The following ABL1 variants were observed in gnomAD, a reference collection of about 807,000 sequenced individuals.
The protein encoded by ABL1 is tyrosine-protein kinase ABL1.
Under a neutral mutation model 94.7 loss-of-function variants are expected in ABL1, and 11 were observed. The ratio of observed to expected loss-of-function variants is 0.12; its 90% CI spans 0.07 to 0.19. The LOEUF (loss-of-function observed/expected upper bound fraction) is 0.19, where lower values mean the gene tolerates loss of function less well. Among genes scored for constraint, ABL1 ranks in the 10% least tolerant of loss-of-function variants. The pLI, the probability that ABL1 is intolerant of heterozygous loss-of-function variation, is 1.00. For synonymous variants in ABL1, 656 were observed against 622.4 expected (o/e 1.05, Z -0.80); for missense variants, 1,082 against 1,489.4 (o/e 0.73, Z 4.50).
intron 1 of ABL1, among the ~76,000 whole-genome samples, chr9:130,719,649 T>A (rs2789760): frequency 0.19 from 29,437 of 152,248 alleles, 3,519 homozygotes; most frequent in Middle Eastern, 0.38. Context: ...CAAACCAATT[T>A]CTTTGGACCC....
chr9:130,784,010 A>G (rs1829793000), intron 1 of ABL1, among the ~76,000 whole-genome samples: 1 of 152,184 alleles, frequency 6.6e-6, no homozygotes, highest in Non-Finnish European at 1.5e-5. Flanking sequence ...TCAAGCAACC[A>G]AGAAAAGACG....
chr9:130,764,171 C>A (rs1276078258), intron 1 of ABL1, among the ~76,000 whole-genome samples: 3 of 152,058 alleles, frequency 2.0e-5, no homozygotes, highest in Non-Finnish European at 2.9e-5. Flanking sequence ...GTCAGAGAGG[C>A]CAGGACACAC....
chr9:130,767,229 C>A (rs1446379027), intron 1 of ABL1, among the ~76,000 whole-genome samples: 2 of 152,182 alleles, frequency 1.3e-5, no homozygotes, highest in African/African-American at 2.4e-5. Flanking sequence ...TCTGAAACTA[C>A]CTCATTCAAT....
intron 1 of ABL1, among the ~76,000 whole-genome samples, chr9:130,818,989 G>A: frequency 6.6e-6 from 1 of 152,122 alleles, no homozygotes. Context: ...GGCCTTTGCA[G>A]TTCTTTCAGT....
At position 130,880,208 on chromosome 9, in the gene ABL1, T is replaced by TG; in HGVS notation, c.1513+54dup. 1 of 1,554,712 alleles carries TG rather than the reference T, an allele frequency of 6.4e-7. No homozygotes were observed. The highest frequency in any genetic ancestry group is 1.1e-5 in the South Asian group (1 of 89,894). On this transcript the variant is annotated intron_variant, in intron 9 of 10. Coordinates refer to ENST00000318560, the MANE Select transcript of ABL1 (RefSeq NM_005157.6). This position sits in a 1 kb window ranked among gnomAD's most constrained non-coding sequence, Gnocchi z 4.4. ...GCAGTGGGGTGAAAGGGCAGCCATGTGGGACTGCAGCCTGGGTCATTCGGT... is the reference window on the plus strand; with the variant it reads ...GCAGTGGGGTGAAAGGGCAGCCATGTGGGGACTGCAGCCTGGGTCATTCGGT...
chr9:130,883,638 G>A (rs1315009737), intron 10 of ABL1, among the ~76,000 whole-genome samples: 3 of 152,098 alleles, frequency 2.0e-5, no homozygotes, highest in Non-Finnish European at 4.4e-5. Context: ...ACTCTCTAGT[G>A]AGTATAAAAA....
intron 1 of ABL1, among the ~76,000 whole-genome samples, chr9:130,715,933 A>T (rs923700765): frequency 1.3e-5 from 2 of 152,124 alleles, no homozygotes; most frequent in Non-Finnish European, 2.9e-5. Context: ...CAGGTGTCTT[A>T]GCATGATTCA....
chr9:130,765,708 C>G (rs1352464905), intron 1 of ABL1, among the ~76,000 whole-genome samples: 3 of 152,168 alleles, frequency 2.0e-5, no homozygotes, highest in Admixed American at 6.5e-5. Context: ...TTAGACCTGA[C>G]AGCCTTTGTG....
At chr9:130,719,446 T>G (rs1831488015) in intron 1 of ABL1, among the ~76,000 whole-genome samples, 1 of 152,034 alleles carries the variant, frequency 6.6e-6, no homozygotes. Flanking sequence ...GGAGAGTTGC[T>G]TAGACCCAGG....
At chr9:130,861,354 A>G (rs1018852111) in intron 3 of ABL1, among the ~76,000 whole-genome samples, 6 of 152,252 alleles carry the variant, frequency 3.9e-5, no homozygotes, top group African/African-American at 1.4e-4. Context: ...CAAGCAAAAC[A>G]AAAGAAAGAG....
chr9:130,796,946 CT>C (rs1459480149), intron 1 of ABL1, among the ~76,000 whole-genome samples: 1 of 126,610 alleles, frequency 7.9e-6, no homozygotes, highest in Non-Finnish European at 1.6e-5. Context: ...AAAAAAGGCA[CT>C]TTTTTTTTGG....
rs557424251 is a variant in ABL1, at chr9:130,864,159, G to A, written c.822+1124G>A. 6.6e-5 allele frequency among the ~76,000 whole-genome samples: 10 copies of A among 152,332 alleles called. No individual in the cohort carries two copies. In the East Asian group the frequency reaches 1.2e-3, roughly 18 times the overall value. On this transcript the variant is annotated intron_variant, in intron 4 of 10. Transcript: ENST00000318560. ...GCTTCCTGATGCTCTTATTCAGCAC[G>A]TGCCTGTCTTTGAGGCAGGACTGGC... is the stretch of plus-strand genomic sequence containing the variant.
At chr9:130,729,148 A>G (rs1341200075) in intron 1 of ABL1, among the ~76,000 whole-genome samples, 1 of 152,082 alleles carries the variant, frequency 6.6e-6, no homozygotes, top group Non-Finnish European at 1.5e-5. Context: ...CTTTAGACTT[A>G]ATGCTTGGCC....
chr9:130,763,616 G>A (rs563893126), intron 1 of ABL1, among the ~76,000 whole-genome samples: 2 of 152,328 alleles, frequency 1.3e-5, no homozygotes, highest in South Asian at 2.1e-4. Context: ...CAGGGCTGGC[G>A]AGCAGTGCTG....
intron 10 of ABL1, among the ~76,000 whole-genome samples, chr9:130,882,783 C>T (rs1216602710): frequency 1.3e-5 from 2 of 152,188 alleles, no homozygotes; most frequent in African/African-American, 4.8e-5. Flanking sequence ...ATCCGCCCAC[C>T]TCAGCCTCCC....
intron 1 of ABL1, among the ~76,000 whole-genome samples, chr9:130,788,278 T>G (rs1171867003): frequency 7.2e-5 from 11 of 152,226 alleles, no homozygotes; most frequent in Admixed American, 7.2e-4. Context: ...TTTACTTAGT[T>G]CGAGTCATCA....
At chr9:130,790,798 T>C (rs1415840027) in intron 1 of ABL1, among the ~76,000 whole-genome samples, 4 of 152,000 alleles carry the variant, frequency 2.6e-5, no homozygotes, top group Non-Finnish European at 4.4e-5. Flanking sequence ...ATAATAGACC[T>C]GTGGAAAAGG....
At chr9:130,860,993 C>T (rs1247144478) in intron 3 of ABL1, among the ~76,000 whole-genome samples, 5 of 152,198 alleles carry the variant, frequency 3.3e-5, no homozygotes, top group South Asian at 4.1e-4. Flanking sequence ...GACTTCCGCT[C>T]CCCGACACAT....
At chr9:130,879,004 A>G (rs1450949392) in intron 8 of ABL1, among the ~76,000 whole-genome samples, 1 of 151,832 alleles carries the variant, frequency 6.6e-6, no homozygotes, top group African/African-American at 2.4e-5. Flanking sequence ...CAGCCTCCCA[A>G]GTAGCTGGGA....
Sources: gnomAD v4.1 joint callset for allele counts (sites outside exome capture counted in the v4.1 genomes callset) on GRCh38, gnomAD v4.1.1 for gene constraint, Gnocchi (gnomAD v3.1) non-coding constraint, MANE v1.5 for transcripts, NCBI Gene and HGNC (gene_info 2026-07-23, HGNC 2026-07-21) for gene names.